The following FADD variants were observed in gnomAD, a reference collection of about 807,000 sequenced individuals.
FADD encodes the protein FAS-associated death domain protein.
In FADD, 3 loss-of-function variants were observed where a neutral mutation model predicts 5.8. The observed-to-expected ratio is 0.52, with a 90% confidence interval of 0.24 to 1.34. The LOEUF is 1.34. FADD is among the 40% of genes most tolerant of loss of function. The pLI, the probability that FADD is intolerant of heterozygous loss-of-function variation, is 0.17. For synonymous variants in FADD, 138 were observed against 130.8 expected (o/e 1.06, Z -0.38); for missense variants, 249 against 286.7 (o/e 0.87, Z 0.95).
Position 70,207,018 on chromosome 11 carries a change from T to C in FADD, c.*545T>C, listed in dbSNP as rs1361418198. 2.3e-5 allele frequency: 1 copy of C among 44,142 alleles called. No individual in the cohort carries two copies. Among genetic ancestry groups the C allele is most frequent in the Admixed American group, 1.8e-4 (1 of 5,642 alleles). 2.7% of individuals were successfully genotyped at this position (44,142 alleles called of 1,614,324 possible). On this transcript the variant is annotated 3_prime_UTR_variant, in exon 2 of 2. Transcript: ENST00000301838. The stretch of plus-strand genomic sequence containing the variant: ...TGGACACTAGGGTCAGGCGGGGTGC[T>C]GTGGTGGGGAGAGGCATGGCTGGGG...
At chr11:70,206,096 A>G (rs1387695867) in intron 1 of FADD, 37 bp from the exon 2 acceptor site, 1 of 1,586,326 alleles carries the variant, frequency 6.3e-7, no homozygotes, top group Non-Finnish European at 8.6e-7. Context: ...GCTTGTCTCC[A>G]AACCTATGGT....
intron 1 of FADD, among the ~76,000 whole-genome samples, chr11:70,205,083 A>G (rs1251316623): frequency 1.3e-5 from 2 of 152,142 alleles, no homozygotes; most frequent in African/African-American, 4.8e-5. Flanking sequence ...CTGTGCCTCA[A>G]TTTCCTCATC....
At chr11:70,204,103 G>C (rs572493206) in intron 1 of FADD, among the ~76,000 whole-genome samples, 1 of 152,322 alleles carries the variant, frequency 6.6e-6, no homozygotes, top group South Asian at 2.1e-4. Context: ...TTTCACGGCT[G>C]TCTGAGAGTA....
At position 70,203,344 on chromosome 11, in the gene FADD, G is replaced by A. The variant is rs920314127; in HGVS notation, c.-116G>A. 2.5e-5 allele frequency: 38 copies of A among 1,510,444 alleles called. No individual in the cohort carries two copies. Among genetic ancestry groups the A allele is most frequent in the Middle Eastern group, 2.3e-4 (1 of 4,262 alleles). 93.6% of individuals were successfully genotyped at this position (1,510,444 alleles called of 1,614,324 possible). A position where few individuals can be genotyped will look rare whatever the true frequency, so the allele number is the denominator to read the frequency against. ...AATCAGGCACCGGAGTGCAGGTTCG[G>A]GGGTGGAATCCTTGGGCCGCTGGGC... On this transcript the variant is annotated 5_prime_UTR_variant, in exon 1 of 2. Coordinates refer to ENST00000301838, the MANE Select transcript of FADD (RefSeq NM_003824.4).
intron 1 of FADD, among the ~76,000 whole-genome samples, chr11:70,204,134 C>T (rs2135898502): frequency 6.6e-6 from 1 of 152,326 alleles, no homozygotes; most frequent in South Asian, 2.1e-4. Flanking sequence ...TCAGTAACTC[C>T]TACCCAGGGG....
chr11:70,205,554 A>G (rs41268231), intron 1 of FADD, among the ~76,000 whole-genome samples: 2 of 152,140 alleles, frequency 1.3e-5, no homozygotes, highest in Admixed American at 1.3e-4. Flanking sequence ...GGCTCCAGGC[A>G]TTCTTTGACT....
Position 70,206,564 on chromosome 11 carries a change from C to T in FADD, c.*91C>T, listed in dbSNP as rs2049463323. 7.9e-7 allele frequency: 1 copy of T among 1,263,252 alleles called. No individual in the cohort carries two copies. Among genetic ancestry groups the T allele is most frequent in the Admixed American group, 1.9e-5 (1 of 51,958 alleles). 78.3% of individuals were successfully genotyped at this position (1,263,252 alleles called of 1,614,324 possible). ...GAAGGTAGCCCAGCACTGTGAAGAC[C>T]CAGCAGGAAGCCAGGCTGAGTGAGC... On this transcript the variant is annotated 3_prime_UTR_variant, in exon 2 of 2. Coordinates refer to ENST00000301838, the MANE Select transcript of FADD (RefSeq NM_003824.4).
At position 70,203,411 on chromosome 11, in the gene FADD, G is replaced by C; in HGVS notation, c.-49G>C. 1 of 1,548,436 alleles carries C rather than the reference G, an allele frequency of 6.5e-7. No homozygotes were observed. The highest frequency in any genetic ancestry group is 8.7e-7 in the Non-Finnish European group (1 of 1,146,724). ...CCAGGGCCAGCGAGCCGAGGACAGA[G>C]GGCGCACGGAGGGCCGGGCCGCAGC... On this transcript the variant is annotated 5_prime_UTR_variant, in exon 1 of 2. Coordinates refer to ENST00000301838, the MANE Select transcript of FADD (RefSeq NM_003824.4).
intron 1 of FADD, 77 bp downstream of exon 1, chr11:70,203,822 C>T (rs1254852186): frequency 4.9e-6 from 3 of 618,490 alleles, no homozygotes; most frequent in Non-Finnish European, 7.3e-6. Context: ...TCCGGTTGGC[C>T]TCCAGGCGCC....
rs1465606116 is a variant in FADD at position 70,203,748 on chromosome 11, G to GGGCGC, written c.286+6_286+10dup. On this transcript the variant is annotated splice_donor_region_variant and intron_variant, in intron 1 of 1. Coordinates refer to ENST00000301838, the MANE Select transcript of FADD (RefSeq NM_003824.4). ...CGGGGCCGCGCCTGGGGAAGAAGGT[G>GGGCGC]GGCGCGGGGCCGGGCCGGGGGAGCC... is the stretch of plus-strand genomic sequence containing the variant. 1.5e-6 allele frequency: 2 copies of GGGCGC among 1,316,796 alleles called. No homozygotes were observed. The highest frequency in any genetic ancestry group is 1.9e-6 in the Non-Finnish European group (2 of 1,026,054). The allele number at this position is 1,316,796 out of a possible 1,614,324, so 81.6% of individuals were successfully genotyped here.
At position 70,206,278 on chromosome 11, in the gene FADD, A is replaced by C. The variant is rs773266568; in HGVS notation, c.432A>C (p.Ser144=). The C allele has an allele frequency of 6.2e-7, 1 of 1,614,072 alleles. No individual in the cohort carries two copies. The highest frequency in any genetic ancestry group is 8.5e-7 in the Non-Finnish European group (1 of 1,180,030). The part of the protein sequence containing the change: ...PRNLTERVRE[S]LRIWKNTEKE... ...ACCTGACAGAGCGTGTGCGGGAGTC[A>C]CTGAGAATCTGGAAGAACACAGAGA... Residue 144 remains serine (S), a synonymous_variant, in exon 2 of 2, where the codon TCA becomes TCC. Transcript: ENST00000301838.
At chr11:70,203,878 C>G (rs1027371199) in intron 1 of FADD, 133 bp downstream of exon 1, 9 of 447,924 alleles carry the variant, frequency 2.0e-5, no homozygotes, top group Non-Finnish European at 3.0e-5. Context: ...CCGTACAGCC[C>G]TGGTTTTGCA....
Position 70,203,722 on chromosome 11 carries a change from C to T in FADD, c.263C>T (p.Ala88Val), listed in dbSNP as rs1294968313. Residue 88 changes from alanine to valine, a missense_variant, in exon 1 of 2, where the codon GCC becomes GTC. Ala to Val is a moderately conservative substitution (Grantham distance 64). Coordinates refer to ENST00000301838, the MANE Select transcript of FADD (RefSeq NM_003824.4). ...RVDDFEAGAA[A>V]GAAPGEEDLC... ...GACGACTTCGAGGCGGGGGCGGCGGCCGGGGCCGCGCCTGGGGAAGAAGGT... is the reference window on the plus strand; with the variant it reads ...GACGACTTCGAGGCGGGGGCGGCGGTCGGGGCCGCGCCTGGGGAAGAAGGT... 3.6e-6 allele frequency: 5 copies of T among 1,398,422 alleles called. No individual in the cohort carries two copies. The highest frequency in any genetic ancestry group is 2.8e-5 in the East Asian group (1 of 35,284). The allele number at this position is 1,398,422 out of a possible 1,614,324, so 86.6% of individuals were successfully genotyped here.
At position 70,206,513 on chromosome 11, in the gene FADD, A is replaced by T. The variant is rs1284862561; in HGVS notation, c.*40A>T. 6.3e-7 allele frequency: 1 copy of T among 1,583,804 alleles called. No homozygotes were observed. On this transcript the variant is annotated 3_prime_UTR_variant, in exon 2 of 2. Coordinates refer to ENST00000301838, the MANE Select transcript of FADD (RefSeq NM_003824.4). Reference sequence around the variant, plus strand: ...GCGCTGGTGGACCACAGGCATCTACACAGCCTGGACTTTGGTTCTCTCCAG... The same window carrying T: ...GCGCTGGTGGACCACAGGCATCTACTCAGCCTGGACTTTGGTTCTCTCCAG...
rs924993623 is a variant in FADD at position 70,206,681 on chromosome 11, C to T, written c.*208C>T. 39 of 590,538 alleles carry T rather than the reference C, an allele frequency of 6.6e-5. No individual in the cohort carries two copies. The highest frequency in any genetic ancestry group is 6.4e-5 in the Non-Finnish European group (21 of 330,568). 36.6% of individuals were successfully genotyped at this position (590,538 alleles called of 1,614,324 possible). A position where few individuals can be genotyped will look rare whatever the true frequency, so the allele number is the denominator to read the frequency against. ...GGGCCCTGCACAGATATTTCCATTT[C>T]TTCCTCACTATGACACTGAGCAAGA... is the stretch of plus-strand genomic sequence containing the variant. On this transcript the variant is annotated 3_prime_UTR_variant, in exon 2 of 2. Coordinates refer to ENST00000301838, the MANE Select transcript of FADD (RefSeq NM_003824.4).
Position 70,206,285 on chromosome 11 carries a change from A to G in FADD, c.439A>G (p.Ile147Val), listed in dbSNP as rs140822085. 64 of 1,614,098 alleles carry G rather than the reference A, an allele frequency of 4.0e-5. 1 individual carries two copies. In the Admixed American group the frequency reaches 8.0e-4, roughly 20 times the overall value. The change falls in exon 2 of 2, where the codon ATC becomes GTC. Residue 147 changes from isoleucine (I) to valine (V), a missense_variant. Coordinates refer to ENST00000301838, the MANE Select transcript of FADD (RefSeq NM_003824.4). Reference protein sequence around the residue: ...LTERVRESLRIWKNTEKENAT... With the variant: ...LTERVRESLRVWKNTEKENAT... Reference sequence around the variant, plus strand: ...AGAGCGTGTGCGGGAGTCACTGAGAATCTGGAAGAACACAGAGAAGGAGAA... The same window carrying G: ...AGAGCGTGTGCGGGAGTCACTGAGAGTCTGGAAGAACACAGAGAAGGAGAA...
Position 70,206,905 on chromosome 11 carries a change from A to C in FADD, c.*432A>C. ...CCCCCGCCATCCTTCACCAGAGCCC[A>C]TGCTCAACCACTGTGGCGTTCTGCT... On this transcript the variant is annotated 3_prime_UTR_variant, in exon 2 of 2. Coordinates refer to ENST00000301838, the MANE Select transcript of FADD (RefSeq NM_003824.4). 8.5e-6 allele frequency: 2 copies of C among 236,226 alleles called. 1 individual carries two copies. The highest frequency in any genetic ancestry group is 1.1e-4 in the South Asian group (2 of 18,836). The allele number at this position is 236,226 out of a possible 1,614,324, so 14.6% of individuals were successfully genotyped here. A position where few individuals can be genotyped will look rare whatever the true frequency, so the allele number is the denominator to read the frequency against.
intron 1 of FADD, 69 bp from the exon 2 acceptor site, chr11:70,206,064 C>A: frequency 1.5e-6 from 2 of 1,364,570 alleles, no homozygotes; most frequent in Non-Finnish European, 2.1e-6. Context: ...TGCTGAAAAG[C>A]CCTAGGGAGG....
At chr11:70,204,293 C>T (rs942286101) in intron 1 of FADD, among the ~76,000 whole-genome samples, 1 of 152,164 alleles carries the variant, frequency 6.6e-6, no homozygotes, top group Non-Finnish European at 1.5e-5. Flanking sequence ...AATGCGCAGC[C>T]GATAACTGAC....
Sources: gnomAD v4.1 joint callset for allele counts (sites outside exome capture counted in the v4.1 genomes callset) on GRCh38, gnomAD v4.1.1 for gene constraint, MANE v1.5 for transcripts, NCBI Gene and HGNC (gene_info 2026-07-23, HGNC 2026-07-21) for gene names.